DNAH10: variants seen among roughly 807,000 people sequenced by gnomAD.
The protein encoded by DNAH10 is dynein axonemal heavy chain 10, also known as axonemal beta dynein heavy chain 10.
In DNAH10, 348 loss-of-function variants were observed where a neutral mutation model predicts 506.6. The observed-to-expected ratio is 0.69, with a 90% CI of 0.63 to 0.75. The LOEUF is 0.75. Among genes scored for constraint, DNAH10 ranks in the 30% least tolerant of loss-of-function variants. The pLI is 0.00. For missense variants in DNAH10, 5,179 were observed against 5,787.1 expected, an observed-to-expected ratio of 0.89 and a Z score of 3.41; for synonymous variants, 2,059 against 2,198.6, an observed-to-expected ratio of 0.94 and a Z score of 1.78.
Position 123,801,303 on chromosome 12 carries a change from A to G in DNAH10, c.2485A>G (p.Met829Val). Reference sequence around the variant, plus strand: ...CAGGTACACAGCTGGGATACAGCGCATGTTGGATCATTATCACATGCTCAT... The same window carrying G: ...CAGGTACACAGCTGGGATACAGCGCGTGTTGGATCATTATCACATGCTCAT... ...FLRYTAGIQR[M>V]LDHYHMLIGT... The change falls in exon 16 of 79, where the codon ATG becomes GTG. Residue 829 changes from methionine (M) to valine (V), a missense_variant. Transcript: ENST00000673944. 3 of 1,614,116 alleles carry G rather than the reference A, an allele frequency of 1.9e-6. No individual in the cohort carries two copies. Among genetic ancestry groups the G allele is most frequent in the Non-Finnish European group, 2.5e-6 (3 of 1,180,000 alleles).
intron 54 of DNAH10, among the ~76,000 whole-genome samples, chr12:123,896,790 T>C (rs534012272): frequency 6.6e-6 from 1 of 151,968 alleles, no homozygotes; most frequent in East Asian, 1.9e-4. Context: ...CAATAAGTGA[T>C]AGCCATTCTT....
In DNAH10 at chr12:123,877,718, T is replaced by G. The variant is rs772099085; in HGVS notation, c.8200-18T>G. ...AAGGACATTTGTGTGTTGGGGGGGG[T>G]GTCTTTGCATTTTTCAGACGTTTCA... On this transcript the variant is annotated intron_variant, in intron 47 of 78. Transcript: ENST00000673944. The G allele has an allele frequency of 2.3e-5, 37 of 1,578,792 alleles. No individual in the cohort carries two copies. Among genetic ancestry groups the G allele is most frequent in the Admixed American group, 7.2e-5 (4 of 55,322 alleles).
chr12:123,922,264 T>TG (rs375733522), intron 65 of DNAH10, among the ~76,000 whole-genome samples: 1 of 151,434 alleles, frequency 6.6e-6, no homozygotes, highest in Non-Finnish European at 1.5e-5. Context: ...TCCCAGCTAC[T>TG]GGGGGGGAGG....
intron 4 of DNAH10, 42 bp from the exon 5 acceptor site, chr12:123,774,107 T>A (rs1957353283): frequency 7.8e-7 from 1 of 1,284,022 alleles, no homozygotes; most frequent in African/African-American, 1.5e-5. Context: ...TGTTGGCTGC[T>A]CTCTCCCACT....
chr12:123,861,237 G>A lies in DNAH10; in HGVS notation c.6908+67G>A, dbSNP rs963249404. On this transcript the variant is annotated intron_variant, in intron 39 of 78. Transcript: ENST00000673944. ...TGTTAATTAGCTCAACATTAAAAAC[G>A]GTGGCAGGACTATACATTGTAGCTT... 13 of 1,554,828 alleles carry A rather than the reference G, an allele frequency of 8.4e-6. No individual in the cohort carries two copies. In the East Asian group the frequency reaches 9.1e-5, roughly 11 times the overall value.
At chr12:123,840,893 C>T (rs1479268284) in intron 29 of DNAH10, among the ~76,000 whole-genome samples, 1 of 152,138 alleles carries the variant, frequency 6.6e-6, no homozygotes, top group Non-Finnish European at 1.5e-5. Flanking sequence ...TGTGTTTATT[C>T]CAGGCAGAGA....
rs749821409 is a variant in DNAH10, at chr12:123,929,498, C to T, written c.12516+14C>T. The T allele has an allele frequency of 1.2e-6, 2 of 1,609,948 alleles. No individual in the cohort carries two copies. The highest frequency in any genetic ancestry group is 2.2e-5 in the East Asian group (1 of 44,804). ...TCTGACTTCCAGGTGACAGTGGCTGCTTCTCCTTGGAAATGGCTTCCTTAG... is the reference window on the plus strand; with the variant it reads ...TCTGACTTCCAGGTGACAGTGGCTGTTTCTCCTTGGAAATGGCTTCCTTAG... On this transcript the variant is annotated intron_variant, in intron 71 of 78. Transcript: ENST00000673944.
rs548189958 is a variant in DNAH10, at chr12:123,929,552, G to C, written c.12516+68G>C. ...GCCCACTTCCTCCCGACTTTCCTCC[G>C]GGTTCAACCACAGCAGGGTTGCACC... On this transcript the variant is annotated intron_variant, in intron 71 of 78. Transcript: ENST00000673944. 85 of 1,576,940 alleles carry C rather than the reference G, an allele frequency of 5.4e-5. No homozygotes were observed. The South Asian group carries it at 8.6e-4, about 16-fold the overall frequency.
chr12:123,928,652 C>T lies in DNAH10; in HGVS notation c.12306+65C>T. 1.3e-6 allele frequency: 2 copies of T among 1,507,000 alleles called. No homozygotes were observed. Among genetic ancestry groups the T allele is most frequent in the Non-Finnish European group, 8.9e-7 (1 of 1,118,250 alleles). The allele number at this position is 1,507,000 out of a possible 1,614,324, so 93.4% of individuals were successfully genotyped here. On this transcript the variant is annotated intron_variant, in intron 70 of 78. Transcript: ENST00000673944. The surrounding 1 kb of genome is among the most constrained non-coding windows in gnomAD (Gnocchi z 4.9). ...CTTCTCAGAACACCTGCATGCTGCT[C>T]TGGGGCCGGGGTGTGCCTTTGTCTG...
chr12:123,798,837 G>A (rs568823687), intron 13 of DNAH10, among the ~76,000 whole-genome samples: 3 of 149,356 alleles, frequency 2.0e-5, no homozygotes, highest in Non-Finnish European at 3.0e-5. Flanking sequence ...CAGGTGCAGT[G>A]GCTCACACCT....
chr12:123,925,163 T>C lies in DNAH10; in HGVS notation c.11880T>C (p.Tyr3960=). 1 of 1,613,936 alleles carries C rather than the reference T, an allele frequency of 6.2e-7. No homozygotes were observed. The highest frequency in any genetic ancestry group is 8.5e-7 in the Non-Finnish European group (1 of 1,179,888). The change falls in exon 68 of 79, where the codon TAT becomes TAC. Residue 3960 remains tyrosine (Y), a synonymous_variant. Coordinates refer to ENST00000673944, the MANE Select transcript of DNAH10 (RefSeq NM_001372106.1). This position sits in a 1 kb window ranked among gnomAD's most constrained non-coding sequence, Gnocchi z 4.0. ...GCTGTTTCCGTGTGGATCGGGTCTA[T>C]CGGGCCGTGACTGACTATGTGACTG... ...ILRCFRVDRV[Y]RAVTDYVTVT... is the part of the protein sequence containing the mutation.
At position 123,914,954 on chromosome 12, in the gene DNAH10, G is replaced by A; in HGVS notation, c.10677G>A (p.Gln3559=). ...RFPLCIDPQQ[Q]ALNWIKRKEE... is the part of the protein sequence containing the mutation. ...CTCTGTGTATCGACCCCCAGCAGCA[G>A]GCCCTCAACTGGATCAAGAGAAAAG... The change falls in exon 62 of 79, where the codon CAG becomes CAA. Residue 3559 remains glutamine, a synonymous_variant. Coordinates refer to ENST00000673944, the MANE Select transcript of DNAH10 (RefSeq NM_001372106.1). 1 of 1,611,954 alleles carries A rather than the reference G, an allele frequency of 6.2e-7. No homozygotes were observed. Among genetic ancestry groups the A allele is most frequent in the African/African-American group, 1.3e-5 (1 of 75,002 alleles).
chr12:123,831,485 T>A (rs1960536313), intron 26 of DNAH10, among the ~76,000 whole-genome samples: 1 of 152,212 alleles, frequency 6.6e-6, no homozygotes, highest in Non-Finnish European at 1.5e-5. Context: ...ACTGCACACC[T>A]AGGCTATTGG....
rs748327251 is a variant in DNAH10, at chr12:123,866,297, GCA to G, written c.7167+225_7167+226del. ...CTCGCTCTGTCACCCAGGCTGGAGTGCAGTGGCGCAATCTCGGCTCACTGCAA... is the reference window on the plus strand; with the variant it reads ...CTCGCTCTGTCACCCAGGCTGGAGTGGTGGCGCAATCTCGGCTCACTGCAA... On this transcript the variant is annotated intron_variant, in intron 41 of 78. Coordinates refer to ENST00000673944, the MANE Select transcript of DNAH10 (RefSeq NM_001372106.1). Among the ~76,000 whole-genome samples the G allele has an allele frequency of 5.2e-5, 7 of 134,442 alleles. No individual in the cohort carries two copies. The East Asian group carries it at 1.5e-3, about 29-fold the overall frequency. The allele number at this position is 134,442 out of a possible 152,430, so 88.2% of individuals were successfully genotyped here.
chr12:123,813,426 G>A lies in DNAH10; in HGVS notation c.3407G>A (p.Cys1136Tyr), dbSNP rs138151312. ...AAATTTGCTGCCAAGAAACCTCCTT[G>A]TGTAGCATATGATGAAAAGTTGCAG... Reference protein sequence around the residue: ...MEKFAAKKPPCVAYDEKLQFY... With the variant: ...MEKFAAKKPPYVAYDEKLQFY... The change falls in exon 20 of 79, where the codon TGT (cysteine) becomes TAT (tyrosine). Residue 1136 changes from cysteine (C) to tyrosine (Y), a missense_variant. Coordinates refer to ENST00000673944, the MANE Select transcript of DNAH10 (RefSeq NM_001372106.1). 613 of 1,614,218 alleles carry A rather than the reference G, an allele frequency of 3.8e-4. 2 individuals are homozygous for A. The highest frequency in any genetic ancestry group is 3.2e-3 in the African/African-American group (238 of 75,052).
rs1383643981 is a variant in DNAH10 at position 123,929,705 on chromosome 12, C to T, written c.12558C>T (p.Phe4186=). ...TGAACACGTACTTAACGAAAGCCTT[C>T]CAGCAACGGGACCCAAGGATCCCGT... is the stretch of plus-strand genomic sequence containing the variant. ...EILNTYLTKA[F]QQRDPRIPWG... is the part of the protein sequence containing the mutation. The change falls in exon 72 of 79, where the codon TTC becomes TTT. Residue 4186 remains phenylalanine (F), a synonymous_variant. Transcript: ENST00000673944. 6.2e-7 allele frequency: 1 copy of T among 1,613,512 alleles called. No homozygotes were observed. The highest frequency in any genetic ancestry group is 8.5e-7 in the Non-Finnish European group (1 of 1,179,784).
intron 28 of DNAH10, among the ~76,000 whole-genome samples, chr12:123,837,779 AGAGATG>A (rs1360170615): frequency 6.8e-6 from 1 of 146,726 alleles, no homozygotes; most frequent in Non-Finnish European, 1.5e-5. Flanking sequence ...TTTTTTTAGT[AGAGATG>A]GAGTCTTGTT....
intron 73 of DNAH10, among the ~76,000 whole-genome samples, chr12:123,931,044 AAAAAAAC>A (rs1451231400): frequency 2.0e-5 from 3 of 152,160 alleles, no homozygotes; most frequent in African/African-American, 7.2e-5. Flanking sequence ...AAATCAAAAC[AAAAAAAC>A]AAAAAACAAA....
Position 123,771,614 on chromosome 12 carries a change from A to G in DNAH10, c.312A>G (p.Ser104=), listed in dbSNP as rs764325853. 1.2e-6 allele frequency: 2 copies of G among 1,613,636 alleles called. No individual in the cohort carries two copies. Among genetic ancestry groups the G allele is most frequent in the African/African-American group, 1.3e-5 (1 of 75,054 alleles). ...GCTGTTTTGCAGCTAAGCGTGTGTC[A>G]CTGAGAACCGAATCTCTAGGCCAAC... The part of the protein sequence containing the change: ...SVDKVRAKRV[S]LRTESLGQPL... The change falls in exon 3 of 79, where the codon TCA becomes TCG. Residue 104 remains serine (S), a synonymous_variant. Coordinates refer to ENST00000673944, the MANE Select transcript of DNAH10 (RefSeq NM_001372106.1).
Sources: gnomAD v4.1 joint callset for allele counts (sites outside exome capture counted in the v4.1 genomes callset) on GRCh38, gnomAD v4.1.1 for gene constraint, Gnocchi (gnomAD v3.1) non-coding constraint, MANE v1.5 for transcripts, NCBI Gene and HGNC (gene_info 2026-07-23, HGNC 2026-07-21) for gene names.